Variants in TMEM132C observed in about 807,000 individuals in gnomAD.
TMEM132C encodes the protein protein phosphatase 1, regulatory subunit 152.
In TMEM132C, 29 loss-of-function variants were observed where a neutral mutation model predicts 61.4. The ratio of observed to expected loss-of-function variants is 0.47; its 90% CI spans 0.35 to 0.64. TMEM132C has a LOEUF of 0.64. TMEM132C is among the 30% of genes least tolerant of loss of function. The pLI, the probability that TMEM132C is intolerant of heterozygous loss-of-function variation, is 0.00. For synonymous variants in TMEM132C, 656 were observed against 633.1 expected (o/e 1.04, Z -0.54); for missense variants, 1,408 against 1,476.9 (o/e 0.95, Z 0.76).
At chr12:128,417,058 C>T (rs368203219) in intron 2 of TMEM132C, among the ~76,000 whole-genome samples, 2 of 152,032 alleles carry the variant, frequency 1.3e-5, no homozygotes, top group South Asian at 2.1e-4. Context: ...ACTGAGGAGC[C>T]GGGAGAGTCA....
At chr12:128,344,604 C>T (rs1873089961) in intron 1 of TMEM132C, among the ~76,000 whole-genome samples, 1 of 152,178 alleles carries the variant, frequency 6.6e-6, no homozygotes, top group Non-Finnish European at 1.5e-5. Flanking sequence ...AAAGAGATGT[C>T]CAATTTCTCT....
intron 2 of TMEM132C, among the ~76,000 whole-genome samples, chr12:128,487,191 C>T (rs1304018190): frequency 6.6e-6 from 1 of 152,134 alleles, no homozygotes; most frequent in East Asian, 1.9e-4. Context: ...CAGAGTGCCC[C>T]GCCGGTGTCT....
intron 3 of TMEM132C, among the ~76,000 whole-genome samples, chr12:128,553,194 T>A (rs997153625): frequency 6.6e-6 from 1 of 152,196 alleles, no homozygotes; most frequent in Non-Finnish European, 1.5e-5. Flanking sequence ...GTAAGAAAGT[T>A]TACAAATTTG....
chr12:128,385,049 C>T (rs1034580225), intron 1 of TMEM132C, among the ~76,000 whole-genome samples: 4 of 152,184 alleles, frequency 2.6e-5, no homozygotes, highest in Admixed American at 2.6e-4. Flanking sequence ...GATGTCATAC[C>T]CCTTTGCAGA....
chr12:128,387,773 A>C (rs1184182085), intron 1 of TMEM132C, among the ~76,000 whole-genome samples: 1 of 152,104 alleles, frequency 6.6e-6, no homozygotes, highest in African/African-American at 2.4e-5. Flanking sequence ...ACACCATTGC[A>C]CTCCAGCCTG....
At chr12:128,397,088 T>C (rs1474653238) in intron 1 of TMEM132C, among the ~76,000 whole-genome samples, 2 of 152,144 alleles carry the variant, frequency 1.3e-5, no homozygotes, top group African/African-American at 4.8e-5. Flanking sequence ...TCAGCAGCTG[T>C]GACCCCTGGC....
At chr12:128,525,007 G>A (rs1195340270) in intron 2 of TMEM132C, among the ~76,000 whole-genome samples, 1 of 152,142 alleles carries the variant, frequency 6.6e-6, no homozygotes, top group Non-Finnish European at 1.5e-5. Context: ...GAAGGATCCC[G>A]CCAGGATAAC....
intron 1 of TMEM132C, among the ~76,000 whole-genome samples, chr12:128,327,076 A>T (rs1435293744): frequency 6.7e-6 from 1 of 150,018 alleles, no homozygotes; most frequent in East Asian, 1.9e-4. Context: ...GTCATATCAC[A>T]CCATTTATTC....
At chr12:128,340,707 CTT>C (rs1352448760) in intron 1 of TMEM132C, among the ~76,000 whole-genome samples, 2 of 151,384 alleles carry the variant, frequency 1.3e-5, no homozygotes, top group Non-Finnish European at 2.9e-5. Flanking sequence ...CTTTCTCTTT[CTT>C]TCTCTTTCTT....
At chr12:128,598,114 G>T (rs1268366384) in intron 3 of TMEM132C, among the ~76,000 whole-genome samples, 2 of 152,154 alleles carry the variant, frequency 1.3e-5, no homozygotes, top group Non-Finnish European at 2.9e-5. Context: ...TTAAAACTAT[G>T]TTTTTAAAAC....
intron 1 of TMEM132C, among the ~76,000 whole-genome samples, chr12:128,346,529 A>G (rs144813526): frequency 1.1e-3 from 172 of 152,294 alleles, no homozygotes; most frequent in African/African-American, 3.7e-3. Context: ...AGTTCTTTCT[A>G]TCCATGAGCA....
At chr12:128,611,461 A>G (rs1371610409) in intron 3 of TMEM132C, among the ~76,000 whole-genome samples, 1 of 152,146 alleles carries the variant, frequency 6.6e-6, no homozygotes, top group African/African-American at 2.4e-5. Context: ...TGCAACAGGA[A>G]TATGTCTGGG....
intron 1 of TMEM132C, among the ~76,000 whole-genome samples, chr12:128,335,518 G>T (rs1372552834): frequency 6.6e-6 from 1 of 152,128 alleles, no homozygotes; most frequent in Non-Finnish European, 1.5e-5. Context: ...GTAATCACCA[G>T]CATTTGTTAA....
intron 3 of TMEM132C, among the ~76,000 whole-genome samples, chr12:128,585,616 A>G (rs1875515304): frequency 6.6e-6 from 1 of 152,252 alleles, no homozygotes; most frequent in Non-Finnish European, 1.5e-5. Context: ...GCCATTTAAA[A>G]TGAGTCACAT....
At chr12:128,690,130 T>C (rs7979107) in intron 5 of TMEM132C, among the ~76,000 whole-genome samples, 41,285 of 152,110 alleles carry the variant, frequency 0.27, 5,738 homozygotes, top group Middle Eastern at 0.37. Context: ...GACCCCACCG[T>C]CCCTGGGTCC....
At chr12:128,429,333 G>A (rs12825446) in intron 2 of TMEM132C, among the ~76,000 whole-genome samples, 20,586 of 152,200 alleles carry the variant, frequency 0.14, 1,482 homozygotes, top group South Asian at 0.27. Flanking sequence ...GCCAGTCAAC[G>A]TGCAGCGATG....
At chr12:128,693,615 C>T (rs1226226292) in intron 5 of TMEM132C, among the ~76,000 whole-genome samples, 3 of 152,202 alleles carry the variant, frequency 2.0e-5, no homozygotes, top group Non-Finnish European at 4.4e-5. Flanking sequence ...GGGTTTCCTT[C>T]TTTCTCTGTC....
At chr12:128,290,886 A>T (rs912793444) in intron 1 of TMEM132C, among the ~76,000 whole-genome samples, 2 of 151,968 alleles carry the variant, frequency 1.3e-5, no homozygotes, top group Non-Finnish European at 2.9e-5. Context: ...TCCCAATTTC[A>T]TAATAGAAAT....
intron 5 of TMEM132C, among the ~76,000 whole-genome samples, chr12:128,679,523 A>G (rs1297401033): frequency 6.6e-6 from 1 of 152,212 alleles, no homozygotes; most frequent in Non-Finnish European, 1.5e-5. Context: ...CATTCTTCTC[A>G]TGGTGGCTTA....
Sources: allele counts gnomAD v4.1 joint callset (sites outside exome capture counted in the v4.1 genomes callset), GRCh38; gene constraint gnomAD v4.1.1; transcripts MANE v1.5; gene names NCBI Gene and HGNC (gene_info 2026-07-23, HGNC 2026-07-21).